Variants in BRCA2 observed in about 807,000 individuals in gnomAD.
The protein encoded by BRCA2 is BRCA2 DNA repair associated.
A neutral mutation model predicts 276.7 loss-of-function variants in BRCA2; 203 were observed. The observed-to-expected ratio is 0.73, with a 90% CI of 0.65 to 0.82. BRCA2 has a LOEUF of 0.82. BRCA2 is among the 40% of genes least tolerant of loss of function. The pLI, the probability that BRCA2 is intolerant of heterozygous loss-of-function variation, is 0.00. For missense variants in BRCA2, 3,920 were observed against 3,915.0 expected (o/e 1.00, Z -0.03); for synonymous variants, 1,289 against 1,338.4 (o/e 0.96, Z 0.81).
chr13:32,340,979 T>C lies in BRCA2; in HGVS notation c.6624T>C (p.Asn2208=), dbSNP rs786202057. The C allele has an allele frequency of 6.2e-7, 1 of 1,608,718 alleles. No homozygotes were observed. Among genetic ancestry groups the C allele is most frequent in the Non-Finnish European group, 8.5e-7 (1 of 1,178,706 alleles). ...TTTCTGATGTTCCTGTGAAAACAAATATAGAAGTTTGTTCTACTTACTCCA... is the reference window on the plus strand; with the variant it reads ...TTTCTGATGTTCCTGTGAAAACAAACATAGAAGTTTGTTCTACTTACTCCA... ...ETFSDVPVKT[N]IEVCSTYSKD... is the part of the protein sequence containing the mutation. The change falls in exon 11 of 27, where the codon AAT becomes AAC. Residue 2208 remains asparagine, a synonymous_variant. Transcript: ENST00000380152.
At chr13:32,353,452 A>G (rs1358526197) in intron 13 of BRCA2, among the ~76,000 whole-genome samples, 41 of 147,452 alleles carry the variant, frequency 2.8e-4, no homozygotes, top group Admixed American at 2.7e-3. Flanking sequence ...GTGGTGTGCC[A>G]TCTCAGAGTA....
Position 32,332,444 on chromosome 13 carries a change from A to C in BRCA2, c.966A>C (p.Lys322Asn), listed in dbSNP as rs879255473. The C allele has an allele frequency of 6.3e-7, 1 of 1,588,556 alleles. No homozygotes were observed. The highest frequency in any genetic ancestry group is 1.4e-5 in the African/African-American group (1 of 73,186). Residue 322 changes from lysine (K) to asparagine (N), a missense_variant, in exon 10 of 27, where the codon AAA (lysine) becomes AAC (asparagine). Lys to Asn is a moderately conservative substitution (Grantham distance 94). Around this residue, in one of 2 missense-constraint regions of BRCA2, gnomAD observed 3,263 missense variants for 3,156.9 expected, o/e 1.03. Coordinates refer to ENST00000380152, the MANE Select transcript of BRCA2 (RefSeq NM_000059.4). ...FSKCRTKNLQ[K>N]VRTSKTRKKI... The stretch of plus-strand genomic sequence containing the variant: ...AATGTAGAACAAAAAATCTACAAAA[A>C]GTAAGAACTAGCAAGACTAGGAAAA...
At chr13:32,359,222 G>GA (rs67041705) in intron 16 of BRCA2, among the ~76,000 whole-genome samples, 25,517 of 107,270 alleles carry the variant, frequency 0.24, 2,315 homozygotes, top group Non-Finnish European at 0.25. Context: ...TCCATCTCAA[G>GA]AAAAAAAAAA....
At chr13:32,396,722 A>T in intron 25 of BRCA2, 176 bp from the exon 26 acceptor site, 1 of 712,224 alleles carries the variant, frequency 1.4e-6, no homozygotes, top group African/African-American at 1.8e-5. Context: ...CCCCTAAATC[A>T]CTGATACTGG....
chr13:32,395,209 T>C (rs2073027962), intron 25 of BRCA2, among the ~76,000 whole-genome samples: 1 of 152,188 alleles, frequency 6.6e-6, no homozygotes, highest in Non-Finnish European at 1.5e-5. Context: ...GGAAATTGGT[T>C]ACAAGAATAA....
At chr13:32,329,017 C>T (rs1017874201) in intron 7 of BRCA2, among the ~76,000 whole-genome samples, 3 of 152,032 alleles carry the variant, frequency 2.0e-5, no homozygotes, top group African/African-American at 7.2e-5. Context: ...AGTAAGTTAA[C>T]CCTATTCTGT....
intron 2 of BRCA2, among the ~76,000 whole-genome samples, chr13:32,318,503 G>A (rs767217474): frequency 7.3e-5 from 11 of 151,626 alleles, no homozygotes; most frequent in African/African-American, 1.2e-4. Flanking sequence ...ATGCAGTGGC[G>A]TGATCTCGGC....
chr13:32,381,236 C>T (rs142693287), intron 24 of BRCA2, among the ~76,000 whole-genome samples: 4 of 152,042 alleles, frequency 2.6e-5, no homozygotes, highest in South Asian at 2.1e-4. Flanking sequence ...GGGTACATAG[C>T]GATTAACAAA....
chr13:32,323,184 G>T (rs1358517823), intron 3 of BRCA2, among the ~76,000 whole-genome samples: 3 of 139,706 alleles, frequency 2.1e-5, no homozygotes, highest in Admixed American at 1.5e-4. Flanking sequence ...ATGAAATCTC[G>T]CTTTGTCGCC....
chr13:32,361,577 G>GA (rs1368677376), intron 16 of BRCA2, among the ~76,000 whole-genome samples: 1 of 152,142 alleles, frequency 6.6e-6, no homozygotes, highest in Non-Finnish European at 1.5e-5. Context: ...AGTAGAGAGG[G>GA]AAAAAATTGA....
chr13:32,363,591 G>C, intron 18 of BRCA2, 58 bp downstream of exon 18: 1 of 1,475,634 alleles, frequency 6.8e-7, no homozygotes, highest in Non-Finnish European at 9.4e-7. Context: ...AATTCTAGAA[G>C]TTTTACATTT....
chr13:32,375,404 C>G (rs1049718575), intron 20 of BRCA2: 2 of 451,406 alleles, frequency 4.4e-6, no homozygotes, highest in Admixed American at 4.8e-5. Context: ...GAATCAACTT[C>G]TGGTAAACTT....
intron 18 of BRCA2, among the ~76,000 whole-genome samples, chr13:32,369,901 C>T (rs1179173887): frequency 1.3e-5 from 2 of 152,178 alleles, no homozygotes; most frequent in African/African-American, 4.8e-5. Context: ...ATACATAAAG[C>T]GCTTAACACC....
intron 20 of BRCA2, among the ~76,000 whole-genome samples, chr13:32,376,277 G>A (rs1012010941): frequency 1.3e-5 from 2 of 151,722 alleles, no homozygotes; most frequent in African/African-American, 4.8e-5. Context: ...AATCCCAACA[G>A]TTTGGGAGTC....
At position 32,337,684 on chromosome 13, in the gene BRCA2, A is replaced by G. The variant is rs587782072; in HGVS notation, c.3329A>G (p.Glu1110Gly). The part of the protein sequence containing the change: ...NHNLTPSQKA[E>G]ITELSTILEE... ...AATTTAACACCTAGCCAAAAGGCAG[A>G]AATTACAGAACTTTCTACTATATTA... The change falls in exon 11 of 27, where the codon GAA becomes GGA. Residue 1110 changes from glutamate to glycine, a missense_variant. Glu to Gly is a moderately conservative substitution (Grantham distance 98). Coordinates refer to ENST00000380152, the MANE Select transcript of BRCA2 (RefSeq NM_000059.4). 1 of 1,598,866 alleles carries G rather than the reference A, an allele frequency of 6.3e-7. No individual in the cohort carries two copies.
intron 24 of BRCA2, among the ~76,000 whole-genome samples, chr13:32,382,031 C>T (rs2072928045): frequency 6.6e-6 from 1 of 152,162 alleles, no homozygotes; most frequent in Non-Finnish European, 1.5e-5. Context: ...GCTTATTAGG[C>T]ATCTAAGTAG....
chr13:32,315,883 CGCCTCCG>C (rs2072252650), intron 1 of BRCA2, among the ~76,000 whole-genome samples: 1 of 152,228 alleles, frequency 6.6e-6, no homozygotes, highest in Admixed American at 6.5e-5. Flanking sequence ...CTCCATTTCC[CGCCTCCG>C]GCCCGGCCTT....
intron 2 of BRCA2, among the ~76,000 whole-genome samples, chr13:32,317,947 G>A (rs936672984): frequency 8.5e-5 from 13 of 152,208 alleles, no homozygotes; most frequent in Non-Finnish European, 1.9e-4. Flanking sequence ...TTGTACTTCA[G>A]TATGCAGAAG....
chr13:32,398,042 G>T, intron 26 of BRCA2, 120 bp from the exon 27 acceptor site: 1 of 1,043,680 alleles, frequency 9.6e-7, no homozygotes, highest in Non-Finnish European at 1.4e-6. Context: ...TTAGGAGTTA[G>T]GGGAGGGAGA....
Sources: gnomAD v4.1 joint callset for allele counts (sites outside exome capture counted in the v4.1 genomes callset) on GRCh38, gnomAD v4.1.1 for gene constraint, gnomAD v4.1.1 regional missense constraint, MANE v1.5 for transcripts, NCBI Gene and HGNC (gene_info 2026-07-23, HGNC 2026-07-21) for gene names.